The following TRPM4 variants were observed in gnomAD, a reference collection of about 807,000 sequenced individuals.
TRPM4 encodes the protein transient receptor potential cation channel subfamily M member 4.
In TRPM4, 124 loss-of-function variants were observed where a neutral mutation model predicts 135.6. The observed-to-expected ratio is 0.91, with a 90% CI of 0.79 to 1.06. TRPM4 has a LOEUF of 1.06. Among genes scored for constraint, TRPM4 ranks in the 50% least tolerant of loss-of-function variants. The pLI is 0.00. For synonymous variants in TRPM4, 745 were observed against 705.6 expected, an observed-to-expected ratio of 1.06 and a Z score of -0.88; for missense variants, 1,658 against 1,671.4, an observed-to-expected ratio of 0.99 and a Z score of 0.14.
intron 2 of TRPM4, among the ~76,000 whole-genome samples, chr19:49,162,807 G>C (rs1290919413): frequency 2.0e-5 from 3 of 152,036 alleles, no homozygotes; most frequent in Non-Finnish European, 2.9e-5. Flanking sequence ...TGTCGCCCAG[G>C]CTGGAGTGCA....
In TRPM4 at chr19:49,211,526, C is replaced by A. The variant is rs1449501482; in HGVS notation, c.*28C>A. ...CCTGCTGGCGGACTTCAAGGAGAAG[C>A]CCCCACAGGGGATTTTGCTCCTAGA... On this transcript the variant is annotated 3_prime_UTR_variant, in exon 25 of 25. Transcript: ENST00000252826. The surrounding 1 kb of genome is among the most constrained non-coding windows in gnomAD (Gnocchi z 4.8). 1.2e-6 allele frequency: 2 copies of A among 1,613,774 alleles called. No homozygotes were observed. The highest frequency in any genetic ancestry group is 1.3e-5 in the African/African-American group (1 of 74,936).
At chr19:49,203,746 C>T (rs537306678) in intron 20 of TRPM4, among the ~76,000 whole-genome samples, 2 of 152,270 alleles carry the variant, frequency 1.3e-5, no homozygotes, top group East Asian at 3.8e-4. Flanking sequence ...TTTTACTGAG[C>T]ATGTTTTCAA....
At chr19:49,199,599 T>C (rs1474003598) in intron 17 of TRPM4, among the ~76,000 whole-genome samples, 1 of 151,948 alleles carries the variant, frequency 6.6e-6, no homozygotes, top group African/African-American at 2.4e-5. Flanking sequence ...GATTTGTATA[T>C]GTATAAATGT....
Position 49,168,618 on chromosome 19 carries a change from C to G in TRPM4, c.678C>G (p.Asp226Glu), listed in dbSNP as rs730880236. ...DPEDGVQFPL[D>E]YNYSAFFLVD... The stretch of plus-strand genomic sequence containing the variant: ...AGGACGGGGTCCAGTTTCCCCTGGA[C>G]TACAACTACTCGGCCTTCTTCCTGG... Residue 226 changes from aspartate to glutamate, a missense_variant, in exon 6 of 25, where the codon GAC becomes GAG. Asp to Glu is a conservative substitution (Grantham distance 45, BLOSUM62 2). This residue lies in a region of TRPM4 where 1,412 missense variants were observed against 1,408.7 expected (regional missense o/e 1.00). Coordinates refer to ENST00000252826, the MANE Select transcript of TRPM4 (RefSeq NM_017636.4). 6.2e-7 allele frequency: 1 copy of G among 1,613,772 alleles called. No homozygotes were observed. The highest frequency in any genetic ancestry group is 8.5e-7 in the Non-Finnish European group (1 of 1,179,998).
chr19:49,167,799 T>C (rs1967277820), intron 3 of TRPM4, 118 bp from the exon 4 acceptor site: 1 of 807,638 alleles, frequency 1.2e-6, no homozygotes, highest in African/African-American at 1.8e-5. Flanking sequence ...TGTCCCTCTC[T>C]CTCTGGGTCT....
Position 49,200,776 on chromosome 19 carries a change from G to A in TRPM4, c.2944G>A (p.Asp982Asn), listed in dbSNP as rs774859499. ...GATCTTCGGGCAGATTCCCCAGGAG[G>A]ACATGGACGGTAGGGGGGATGACGG... ...LQIFGQIPQEDMDVALMEHSN... is the reference protein window; with the variant it reads ...LQIFGQIPQENMDVALMEHSN... The change falls in exon 19 of 25, where the codon GAC becomes AAC. Residue 982 changes from aspartate to asparagine, a missense_variant. Around this residue, in one of 3 missense-constraint regions of TRPM4, gnomAD observed 1,412 missense variants for 1,408.7 expected, o/e 1.00. Coordinates refer to ENST00000252826, the MANE Select transcript of TRPM4 (RefSeq NM_017636.4). 14 of 1,613,834 alleles carry A rather than the reference G, an allele frequency of 8.7e-6. No individual in the cohort carries two copies. The highest frequency in any genetic ancestry group is 1.3e-5 in the African/African-American group (1 of 74,898).
rs1401824605 is a variant in TRPM4 at position 49,172,004 on chromosome 19, C to T, written c.1051-5C>T. 1.2e-6 allele frequency: 2 copies of T among 1,612,666 alleles called. No individual in the cohort carries two copies. Among genetic ancestry groups the T allele is most frequent in the Non-Finnish European group, 8.5e-7 (1 of 1,178,742 alleles). On this transcript the variant is annotated splice_polypyrimidine_tract_variant and splice_region_variant and intron_variant, in intron 8 of 24. Coordinates refer to ENST00000252826, the MANE Select transcript of TRPM4 (RefSeq NM_017636.4). ...GCTAGGGATGCAGAACTGGCTATTCCACAGGTGGAGAGGATTATGACCCGG... is the reference window on the plus strand; with the variant it reads ...GCTAGGGATGCAGAACTGGCTATTCTACAGGTGGAGAGGATTATGACCCGG...
At chr19:49,208,585 G>T (rs1271636031) in intron 20 of TRPM4, among the ~76,000 whole-genome samples, 3 of 151,932 alleles carry the variant, frequency 2.0e-5, no homozygotes, top group Admixed American at 1.3e-4. Flanking sequence ...GGTTATGATT[G>T]TAAAGCAAGG....
In TRPM4 at chr19:49,210,324, T is replaced by C; in HGVS notation, c.3247T>C (p.Ser1083Pro). 2 of 1,614,198 alleles carry C rather than the reference T, an allele frequency of 1.2e-6. No individual in the cohort carries two copies. The highest frequency in any genetic ancestry group is 1.7e-6 in the Non-Finnish European group (2 of 1,180,038). Residue 1083 changes from serine (S) to proline (P), a missense_variant, in exon 21 of 25, where the codon TCC becomes CCC. By Grantham distance (74) the Ser-to-Pro change is moderately conservative. Transcript: ENST00000252826. The surrounding 1 kb of genome is among the most constrained non-coding windows in gnomAD (Gnocchi z 4.1). ...PALAPPFIVI[S>P]HLRLLLRQLC... Reference sequence around the variant, plus strand: ...GCTGGCCCCGCCCTTTATCGTCATCTCCCACTTGCGCCTCCTGCTCAGGCA... The same window carrying C: ...GCTGGCCCCGCCCTTTATCGTCATCCCCCACTTGCGCCTCCTGCTCAGGCA...
intron 20 of TRPM4, among the ~76,000 whole-genome samples, chr19:49,202,853 A>G (rs1968986318): frequency 6.8e-6 from 1 of 148,000 alleles, no homozygotes; most frequent in South Asian, 2.2e-4. Context: ...ATTGTGGTAA[A>G]ATTATATAAA....
intron 20 of TRPM4, among the ~76,000 whole-genome samples, chr19:49,204,812 G>C (rs894085371): frequency 6.6e-6 from 1 of 150,602 alleles, no homozygotes; most frequent in Admixed American, 6.6e-5. Context: ...ACCCATCTCG[G>C]CTGGATCCCA....
chr19:49,211,018 G>C lies in TRPM4; in HGVS notation c.3465G>C (p.Val1155=), dbSNP rs1047077297. The C allele has an allele frequency of 2.5e-6, 4 of 1,613,872 alleles. No individual in the cohort carries two copies. The African/African-American group carries it at 5.3e-5, about 22-fold the overall frequency. ...GTAAGAGGCCCTCCCTTCTCAGGGT[G>C]GACTTGGCACTGAAACAGCTGGGAC... ...SERLKRTSQK[V]DLALKQLGHI... The change falls in exon 23 of 25, where the codon GTG becomes GTC. Residue 1155 remains valine, a synonymous_variant. Transcript: ENST00000252826. The surrounding 1 kb of genome is among the most constrained non-coding windows in gnomAD (Gnocchi z 4.8).
In TRPM4 at chr19:49,211,101, G is replaced by A. The variant is rs1303201377; in HGVS notation, c.3534+14G>A. Reference sequence around the variant, plus strand: ...CTGGAGCGGGAGGTGAGGCCTTGGGGCCTGGCTGGGGGACTGTGGCAGGGG... The same window carrying A: ...CTGGAGCGGGAGGTGAGGCCTTGGGACCTGGCTGGGGGACTGTGGCAGGGG... On this transcript the variant is annotated intron_variant, in intron 23 of 24. Transcript: ENST00000252826. The surrounding 1 kb of genome is among the most constrained non-coding windows in gnomAD (Gnocchi z 4.8). The A allele has an allele frequency of 6.2e-7, 1 of 1,613,782 alleles. No homozygotes were observed. The highest frequency in any genetic ancestry group is 2.2e-5 in the East Asian group (1 of 44,870).
chr19:49,208,057 GGAGA>G (rs1330607464), intron 20 of TRPM4, among the ~76,000 whole-genome samples: 5 of 152,240 alleles, frequency 3.3e-5, no homozygotes, highest in East Asian at 1.9e-4. Context: ...TAGCCAAGGC[GGAGA>G]GAGAGAGGAC....
chr19:49,202,429 G>A (rs539976163), intron 20 of TRPM4, among the ~76,000 whole-genome samples: 23 of 151,898 alleles, frequency 1.5e-4, no homozygotes, highest in Non-Finnish European at 3.1e-4. Context: ...CTGCAGCCTC[G>A]ACCTCCTGGA....
At chr19:49,207,974 G>A (rs1969211418) in intron 20 of TRPM4, among the ~76,000 whole-genome samples, 1 of 152,108 alleles carries the variant, frequency 6.6e-6, no homozygotes, top group Non-Finnish European at 1.5e-5. Flanking sequence ...GGTAAAGAGT[G>A]TGAGTCATCT....
intron 20 of TRPM4, among the ~76,000 whole-genome samples, chr19:49,202,795 G>C (rs1600521977): frequency 6.6e-6 from 1 of 151,208 alleles, no homozygotes; most frequent in East Asian, 1.9e-4. Flanking sequence ...CTCCCAAAGT[G>C]TTGGGATTAC....
At chr19:49,200,195 C>G in intron 17 of TRPM4, 105 bp from the exon 18 acceptor site, 2 of 1,566,256 alleles carry the variant, frequency 1.3e-6, no homozygotes, top group Non-Finnish European at 1.8e-6. Context: ...CCTGGTCCTG[C>G]CCGGTGGAGG....
chr19:49,201,342 G>C (rs1417964713), intron 19 of TRPM4, among the ~76,000 whole-genome samples: 1 of 152,326 alleles, frequency 6.6e-6, no homozygotes, highest in South Asian at 2.1e-4. Flanking sequence ...CTTGTGGAAT[G>C]TTGAGAAAGG....
Sources: allele counts gnomAD v4.1 joint callset (sites outside exome capture counted in the v4.1 genomes callset), GRCh38; gene constraint gnomAD v4.1.1; regional missense constraint gnomAD v4.1.1; non-coding constraint Gnocchi (gnomAD v3.1); transcripts MANE v1.5; gene names NCBI Gene and HGNC (gene_info 2026-07-23, HGNC 2026-07-21).